Variants in LAMB4 observed in about 807,000 individuals in gnomAD.
LAMB4 encodes laminin subunit beta-4.
In LAMB4, 196 loss-of-function variants were observed where a neutral mutation model predicts 199.2. That is an observed-to-expected ratio of 0.98 (90% confidence interval 0.88 to 1.11). The LOEUF is 1.11. LAMB4 is among the 50% of genes least tolerant of loss of function. LAMB4 has a pLI of 0.00. For missense variants in LAMB4, 2,080 were observed against 2,171.2 expected (o/e 0.96, Z 0.83); for synonymous variants, 744 against 770.6 (o/e 0.97, Z 0.57).
chr7:108,034,121 C>T (rs2035141515), intron 31 of LAMB4, 87 bp downstream of exon 31: 1 of 1,269,510 alleles, frequency 7.9e-7, no homozygotes, highest in Non-Finnish European at 1.1e-6. Context: ...ACTCGTAAAG[C>T]AAGCATAGCA....
intron 29 of LAMB4, among the ~76,000 whole-genome samples, chr7:108,041,868 A>G (rs1160199641): frequency 6.6e-6 from 1 of 152,222 alleles, no homozygotes; most frequent in African/African-American, 2.4e-5. Context: ...AAACCTGCAC[A>G]TGTACCTCTG....
the LAMB4 span, among the ~76,000 whole-genome samples, chr7:108,014,895 G>C: frequency 7.2e-5 from 11 of 152,038 alleles, no homozygotes; most frequent in Non-Finnish European, 2.9e-5. Context: ...GCTAATTGTT[G>C]TATTTTTGTA....
intron 1 of LAMB4, among the ~76,000 whole-genome samples, chr7:108,126,219 T>C (rs930206261): frequency 8.5e-5 from 13 of 152,232 alleles, no homozygotes; most frequent in Non-Finnish European, 4.4e-5. Flanking sequence ...TTTTTAATTG[T>C]GGTAGAAATA....
At position 108,062,990 on chromosome 7, in the gene LAMB4, G is replaced by A; in HGVS notation, c.3066C>T (p.Cys1022=). 1.3e-6 allele frequency: 2 copies of A among 1,564,072 alleles called. No homozygotes were observed. Among genetic ancestry groups the A allele is most frequent in the Admixed American group, 2.0e-5 (1 of 50,134 alleles). ...GSALNQTCRR[C]SCHASGVSPM... is the part of the protein sequence containing the mutation. ...GACTCACGCCGGAAGCATGGCAGGA[G>A]CATCCTGTGATGACAAAACCATCAT... Residue 1022 remains cysteine (C), a synonymous_variant, in exon 23 of 34, where the codon TGC becomes TGT. Coordinates refer to ENST00000388781, the MANE Select transcript of LAMB4 (RefSeq NM_007356.3).
At chr7:108,018,636 C>T (rs571340564), downstream of LAMB4, among the ~76,000 whole-genome samples, 18 of 152,176 alleles carry the variant, frequency 1.2e-4, no homozygotes, top group South Asian at 6.2e-4. Context: ...ACCTAAGAGG[C>T]GGAGGTTGCA....
chr7:108,083,942 G>A (rs1484721519), intron 14 of LAMB4, among the ~76,000 whole-genome samples: 1 of 152,230 alleles, frequency 6.6e-6, no homozygotes, highest in Non-Finnish European at 1.5e-5. Context: ...CATGCCAGCA[G>A]ACCAGTAGTC....
chr7:108,033,489 C>T (rs2035111807), intron 31 of LAMB4, among the ~76,000 whole-genome samples: 1 of 152,180 alleles, frequency 6.6e-6, no homozygotes, highest in African/African-American at 2.4e-5. Flanking sequence ...CGGCTCACTG[C>T]AACCTCCGCC....
In LAMB4 at chr7:108,043,779, T is replaced by A. The variant is rs142166643; in HGVS notation, c.4444A>T (p.Ile1482Phe). 6.3e-7 allele frequency: 1 copy of A among 1,592,948 alleles called. No homozygotes were observed. Among genetic ancestry groups the A allele is most frequent in the Non-Finnish European group, 8.6e-7 (1 of 1,166,848 alleles). ...AACAAAAAGTTTTTCACTTTTTTGATGAAAAGATTGATGTTTTCTTCTTCA... is the reference window on the plus strand; with the variant it reads ...AACAAAAAGTTTTTCACTTTTTTGAAGAAAAGATTGATGTTTTCTTCTTCA... ...DSEEENINLF[I>F]KKVKNFLLEE... The change falls in exon 29 of 34, where the codon ATC (isoleucine) becomes TTC (phenylalanine). Residue 1482 changes from isoleucine (I) to phenylalanine (F), a missense_variant. Physicochemically the swap from Ile to Phe is conservative, Grantham distance 21. Coordinates refer to ENST00000388781, the MANE Select transcript of LAMB4 (RefSeq NM_007356.3).
intron 14 of LAMB4, 151 bp from the exon 15 acceptor site, chr7:108,079,937 A>G (rs2036866184): frequency 3.5e-6 from 2 of 577,390 alleles, no homozygotes; most frequent in African/African-American, 1.9e-5. Context: ...AGCAGGATAC[A>G]GTCCAGAATC....
At chr7:108,042,199 G>A (rs1209329060) in intron 29 of LAMB4, among the ~76,000 whole-genome samples, 1 of 152,078 alleles carries the variant, frequency 6.6e-6, no homozygotes, top group Non-Finnish European at 1.5e-5. Flanking sequence ...TGGTCACCAG[G>A]GCTCTAGGGA....
At chr7:108,082,229 C>T (rs2036975251) in intron 14 of LAMB4, among the ~76,000 whole-genome samples, 1 of 150,774 alleles carries the variant, frequency 6.6e-6, no homozygotes, top group South Asian at 2.1e-4. Context: ...ACTTGGGAGG[C>T]TGAGGCAGGA....
chr7:108,096,939 C>CAAAA (rs746917278), intron 11 of LAMB4, among the ~76,000 whole-genome samples: 14 of 52,836 alleles, frequency 2.6e-4, no homozygotes, highest in East Asian at 2.1e-3. Flanking sequence ...CTGTCTCTCT[C>CAAAA]AAAAAAAAAA....
rs142703317 is a variant in LAMB4 at position 108,078,468 on chromosome 7, G to A, written c.1888-152C>T. 1.3e-4 allele frequency: 77 copies of A among 584,864 alleles called. 1 individual carries two copies. The highest frequency in any genetic ancestry group is 1.3e-3 in the African/African-American group (68 of 53,960). The allele number at this position is 584,864 out of a possible 1,614,324, so 36.2% of individuals were successfully genotyped here. A position where few individuals can be genotyped will look rare whatever the true frequency, so the allele number is the denominator to read the frequency against. ...GTTTTGGAGTTGAAAGAGTCTTAGA[G>A]GTTCACTCTCAGGCCCAACTCTCTG... On this transcript the variant is annotated intron_variant, in intron 15 of 33. Coordinates refer to ENST00000388781, the MANE Select transcript of LAMB4 (RefSeq NM_007356.3).
chr7:108,094,866 G>T (rs545079410), intron 12 of LAMB4, among the ~76,000 whole-genome samples: 2 of 152,112 alleles, frequency 1.3e-5, no homozygotes, highest in South Asian at 4.1e-4. Context: ...ATGATAAGGG[G>T]ATTGTGTACA....
rs2038933167 is a variant in LAMB4, at chr7:108,130,320, CTT to C, written c.-50_-49del. 1 of 152,020 alleles carries C rather than the reference CTT, an allele frequency of 6.6e-6. No homozygotes were observed. The highest frequency in any genetic ancestry group is 2.4e-5 in the African/African-American group (1 of 41,370). The allele number at this position is 152,020 out of a possible 1,614,324, so 9.4% of individuals were successfully genotyped here. A position where few individuals can be genotyped will look rare whatever the true frequency, so the allele number is the denominator to read the frequency against. On this transcript the variant is annotated 5_prime_UTR_variant, in exon 1 of 34. An upstream open reading frame in the 5' UTR loses its in-frame stop. Coordinates refer to ENST00000388781, the MANE Select transcript of LAMB4 (RefSeq NM_007356.3). ...GCAAGACTTACCAGGATCTGGGAGT[CTT>C]TGTGGAGAGGTTCAGGCAGCAAACG...
chr7:108,049,397 A>C lies in LAMB4; in HGVS notation c.4051T>G (p.Ser1351Ala). The C allele has an allele frequency of 6.3e-7, 1 of 1,593,434 alleles. No individual in the cohort carries two copies. Among genetic ancestry groups the C allele is most frequent in the Non-Finnish European group, 8.6e-7 (1 of 1,162,994 alleles). The change falls in exon 27 of 34, where the codon TCA becomes GCA. Residue 1351 changes from serine (S) to alanine (A), a missense_variant. By Grantham distance (99) the Ser-to-Ala change is moderately conservative (BLOSUM62 1). Coordinates refer to ENST00000388781, the MANE Select transcript of LAMB4 (RefSeq NM_007356.3). ...DLLTILDTLTSKGNLSLERLK... is the reference protein window; with the variant it reads ...DLLTILDTLTAKGNLSLERLK... ...CTTTCCAATGACAAGTTTCCTTTTGAGGTTAGTGTATCTAAGATGGTAAGT... is the reference window on the plus strand; with the variant it reads ...CTTTCCAATGACAAGTTTCCTTTTGCGGTTAGTGTATCTAAGATGGTAAGT...
At chr7:108,082,705 C>T (rs1032192520) in intron 14 of LAMB4, among the ~76,000 whole-genome samples, 14 of 152,160 alleles carry the variant, frequency 9.2e-5, no homozygotes, top group African/African-American at 3.1e-4. Context: ...GGGGTAAGAG[C>T]TCTTGTAGTA....
chr7:108,017,599 T>C, the LAMB4 span, among the ~76,000 whole-genome samples: 3 of 152,184 alleles, frequency 2.0e-5, no homozygotes, highest in Non-Finnish European at 4.4e-5. Flanking sequence ...TAAAACTTGA[T>C]GTCTGGTTAG....
At chr7:108,069,269 A>G (rs2036450208) in intron 18 of LAMB4, among the ~76,000 whole-genome samples, 1 of 152,246 alleles carries the variant, frequency 6.6e-6, no homozygotes, top group Non-Finnish European at 1.5e-5. Context: ...CTGATAGTGC[A>G]TGGGGCAGGC....
Sources: gnomAD v4.1 joint callset for allele counts (sites outside exome capture counted in the v4.1 genomes callset) on GRCh38, gnomAD v4.1.1 for gene constraint, MANE v1.5 for transcripts, NCBI Gene and HGNC (gene_info 2026-07-23, HGNC 2026-07-21) for gene names.